Variants in NPR3 observed in about 807,000 individuals in gnomAD.
The protein encoded by NPR3 is atrial natriuretic peptide receptor 3.
Under a neutral mutation model 54.5 loss-of-function variants are expected in NPR3, and 34 were observed. That is an observed-to-expected ratio of 0.62 (90% CI 0.47 to 0.83). The LOEUF (loss-of-function observed/expected upper bound fraction) is 0.83. Among genes scored for constraint, NPR3 ranks in the 40% least tolerant of loss-of-function variants. The pLI is 0.00. For missense variants in NPR3, 674 were observed against 720.8 expected (o/e 0.94, Z 0.74); for synonymous variants, 289 against 297.1 (o/e 0.97, Z 0.28).
rs1742721181 is a variant in NPR3, at chr5:32,787,960, G to C, written c.*1615G>C. The C allele has an allele frequency of 6.6e-6, 1 of 152,224 alleles. No individual in the cohort carries two copies. The highest frequency in any genetic ancestry group is 6.5e-5 in the Admixed American group (1 of 15,286). The allele number at this position is 152,224 out of a possible 1,614,324, so 9.4% of individuals were successfully genotyped here. A position where few individuals can be genotyped will look rare whatever the true frequency, so the allele number is the denominator to read the frequency against. On this transcript the variant is annotated 3_prime_UTR_variant, in exon 8 of 8. Coordinates refer to ENST00000265074, the MANE Select transcript of NPR3 (RefSeq NM_001204375.2). ...CTAGTGAGGAAACAGGAGAGTCTGA[G>C]CAATCCCTTGGTGGCGATGAAGGTG...
chr5:32,731,085 G>A (rs947109373), intron 2 of NPR3, among the ~76,000 whole-genome samples: 2 of 152,170 alleles, frequency 1.3e-5, no homozygotes, highest in African/African-American at 4.8e-5. Flanking sequence ...TACTGCAGGC[G>A]TGATGTTGTG....
At chr5:32,743,838 G>C (rs1418904791) in intron 3 of NPR3, among the ~76,000 whole-genome samples, 1 of 152,082 alleles carries the variant, frequency 6.6e-6, no homozygotes, top group Non-Finnish European at 1.5e-5. Context: ...CACTGGGGCT[G>C]TAAGTGTTGC....
intron 1 of NPR3, among the ~76,000 whole-genome samples, chr5:32,718,861 C>T (rs1738695856): frequency 6.6e-6 from 1 of 152,078 alleles, no homozygotes; most frequent in Middle Eastern, 3.2e-3. Flanking sequence ...GCCTGATTGC[C>T]CTGGCCAGAA....
intron 6 of NPR3, among the ~76,000 whole-genome samples, chr5:32,784,230 C>A (rs1742489730): frequency 6.6e-6 from 1 of 152,114 alleles, no homozygotes; most frequent in Non-Finnish European, 1.5e-5. Context: ...GCTGTCTCAC[C>A]CAGACTCATG....
chr5:32,757,431 G>A lies in NPR3; in HGVS notation c.1060-17277G>A, dbSNP rs546286564. Among the ~76,000 whole-genome samples the A allele has an allele frequency of 2.6e-5, 4 of 152,180 alleles. No individual in the cohort carries two copies. The South Asian group carries it at 8.3e-4, about 32-fold the overall frequency. On this transcript the variant is annotated intron_variant, in intron 3 of 7. Transcript: ENST00000265074. Reference sequence around the variant, plus strand: ...GTTATTGGTGTATAAGAATGCTTGTGATTTTTGTACATTGATTTTGTATCC... The same window carrying A: ...GTTATTGGTGTATAAGAATGCTTGTAATTTTTGTACATTGATTTTGTATCC...
intron 2 of NPR3, among the ~76,000 whole-genome samples, chr5:32,736,029 G>A (rs1178152353): frequency 6.6e-6 from 1 of 151,984 alleles, no homozygotes; most frequent in African/African-American, 2.4e-5. Flanking sequence ...TCAGGAGTTT[G>A]AAACCAGCCT....
intron 3 of NPR3, among the ~76,000 whole-genome samples, chr5:32,753,624 CTTTT>C (rs70961660): frequency 0.04 from 4,084 of 102,712 alleles, 190 homozygotes; most frequent in African/African-American, 0.13. Flanking sequence ...TCTCAGCATC[CTTTT>C]TTTTTTTTTT....
Position 32,711,746 on chromosome 5 carries a change from G to A in NPR3, c.-31G>A. The A allele has an allele frequency of 7.1e-7, 1 of 1,412,022 alleles. No homozygotes were observed. Among genetic ancestry groups the A allele is most frequent in the Non-Finnish European group, 9.2e-7 (1 of 1,083,722 alleles). The allele number at this position is 1,412,022 out of a possible 1,614,324, so 87.5% of individuals were successfully genotyped here. On this transcript the variant is annotated 5_prime_UTR_variant, in exon 1 of 8. Transcript: ENST00000265074. ...GTGGGGGGCAGAGGGCGAGTCGGCG[G>A]CGGCGAGGGCAAGCTCTTTCTTGCG...
At chr5:32,763,618 T>G (rs1466298896) in intron 3 of NPR3, among the ~76,000 whole-genome samples, 8 of 152,088 alleles carry the variant, frequency 5.3e-5, no homozygotes, top group Non-Finnish European at 1.2e-4. Flanking sequence ...CCAGCCTCTT[T>G]GGCCATCTTT....
In NPR3 at chr5:32,697,464, T is replaced by C. The variant is rs1740559156; in HGVS notation, c.100+8278T>C. On this transcript the variant is annotated intron_variant, in intron 1 of 5. Coordinates refer to the NPR3 transcript ENST00000509104. ...TTCTTTCTTTTTTTTTTTTGATATG[T>C]CTTTTTCTGGTTTTGGTGTCAGGGT... Among the ~76,000 whole-genome samples, 8 of 151,632 alleles carry C rather than the reference T, an allele frequency of 5.3e-5. No homozygotes were observed. The South Asian group carries it at 1.7e-3, about 32-fold the overall frequency.
At chr5:32,761,967 G>A (rs946717318) in intron 3 of NPR3, among the ~76,000 whole-genome samples, 44 of 151,728 alleles carry the variant, frequency 2.9e-4, no homozygotes, top group African/African-American at 8.7e-4. Flanking sequence ...AACAGGCCCC[G>A]GTGTGTGATA....
intron 2 of NPR3, among the ~76,000 whole-genome samples, chr5:32,726,563 T>C (rs1385425259): frequency 6.6e-6 from 1 of 152,192 alleles, no homozygotes; most frequent in Non-Finnish European, 1.5e-5. Flanking sequence ...GAAAAACATG[T>C]ATGCTGAGTT....
rs928152923 is a variant in NPR3 at position 32,787,294 on chromosome 5, C to A, written c.*949C>A. On this transcript the variant is annotated 3_prime_UTR_variant, in exon 8 of 8. Transcript: ENST00000265074. ...TGTAAATGTATTCAGATTACAAACT[C>A]TACAGGAATACATCAACATTTTAAC... 6.6e-6 allele frequency: 1 copy of A among 152,322 alleles called. No homozygotes were observed. Among genetic ancestry groups the A allele is most frequent in the Non-Finnish European group, 1.5e-5 (1 of 68,038 alleles). The allele number at this position is 152,322 out of a possible 1,614,324, so 9.4% of individuals were successfully genotyped here.
In NPR3 at chr5:32,780,702, C is replaced by A; in HGVS notation, c.1196-20C>A. On this transcript the variant is annotated intron_variant, in intron 4 of 7. Coordinates refer to ENST00000265074, the MANE Select transcript of NPR3 (RefSeq NM_001204375.2). ...TATTTTAAGTAACCAACGTTGAGTT[C>A]TTCGCTTCTGGTCCTGTAGGTATCG... 8.7e-7 allele frequency: 1 copy of A among 1,145,020 alleles called. No individual in the cohort carries two copies. Among genetic ancestry groups the A allele is most frequent in the Non-Finnish European group, 1.3e-6 (1 of 751,498 alleles). The allele number at this position is 1,145,020 out of a possible 1,614,324, so 70.9% of individuals were successfully genotyped here.
At chr5:32,780,430 T>C (rs1017961182) in intron 4 of NPR3, among the ~76,000 whole-genome samples, 1 of 152,254 alleles carries the variant, frequency 6.6e-6, no homozygotes, top group East Asian at 1.9e-4. Context: ...GGGATAAGCA[T>C]GCTGCTTTCA....
chr5:32,711,883 C>T lies in NPR3; in HGVS notation c.107C>T (p.Ala36Val). The stretch of plus-strand genomic sequence containing the variant: ...GGCGTTGGCGGCGGCGGCGGTGGCG[C>T]GGGCATAGGCGGCGGACGCCAGGAG... ...GGGVGGGGGGAGIGGGRQERE... is the reference protein window; with the variant it reads ...GGGVGGGGGGVGIGGGRQERE... The change falls in exon 1 of 8, where the codon GCG becomes GTG. Residue 36 changes from alanine to valine, a missense_variant. Ala to Val is a moderately conservative substitution (Grantham distance 64). Coordinates refer to ENST00000265074, the MANE Select transcript of NPR3 (RefSeq NM_001204375.2). The T allele has an allele frequency of 1.4e-6, 2 of 1,463,870 alleles. No individual in the cohort carries two copies. Among genetic ancestry groups the T allele is most frequent in the East Asian group, 2.5e-5 (1 of 39,330 alleles). The allele number at this position is 1,463,870 out of a possible 1,614,324, so 90.7% of individuals were successfully genotyped here.
rs1561087718 is a variant in NPR3 at position 32,726,183 on chromosome 5, G to A, written c.892+1363G>A. Among the ~76,000 whole-genome samples the A allele has an allele frequency of 2.6e-5, 4 of 152,288 alleles. No homozygotes were observed. The South Asian group carries it at 8.3e-4, about 32-fold the overall frequency. On this transcript the variant is annotated intron_variant, in intron 2 of 7. Coordinates refer to ENST00000265074, the MANE Select transcript of NPR3 (RefSeq NM_001204375.2). ...TACTGAGCTTCACTTCCCAGTTCTT[G>A]CTGATGAGATATAGTTGGACAGGAT...
chr5:32,756,556 C>T (rs1006871039), intron 3 of NPR3, among the ~76,000 whole-genome samples: 7 of 152,122 alleles, frequency 4.6e-5, no homozygotes, highest in African/African-American at 1.7e-4. Flanking sequence ...TGTAGGTTGC[C>T]TGTTTACTCT....
intron 2 of NPR3, among the ~76,000 whole-genome samples, chr5:32,734,034 A>C (rs1833529): frequency 6.6e-6 from 1 of 152,118 alleles, no homozygotes; most frequent in Admixed American, 6.5e-5. Context: ...AATCTTTTTC[A>C]AAGAGTTGTT....
Sources: allele counts gnomAD v4.1 joint callset (sites outside exome capture counted in the v4.1 genomes callset), GRCh38; gene constraint gnomAD v4.1.1; transcripts MANE v1.5; gene names NCBI Gene and HGNC (gene_info 2026-07-23, HGNC 2026-07-21).